The following SLC5A11 variants were observed in gnomAD, a reference collection of about 807,000 sequenced individuals.
SLC5A11 encodes the protein solute carrier family 5 member 11, also known as sodium/myo-inositol cotransporter 2.
Under a neutral mutation model 69.8 loss-of-function variants are expected in SLC5A11, and 48 were observed. That is an observed-to-expected ratio of 0.69 (90% CI 0.55 to 0.87). The LOEUF (loss-of-function observed/expected upper bound fraction) is 0.87. Among genes scored for constraint, SLC5A11 ranks in the 40% least tolerant of loss-of-function variants. The probability of loss-of-function intolerance (pLI) is 0.00; values close to 1 mark genes in which losing one functional copy is unlikely to be tolerated. For synonymous variants in SLC5A11, 319 were observed against 342.4 expected (o/e 0.93, Z 0.75); for missense variants, 784 against 866.1 (o/e 0.91, Z 1.19).
chr16:24,862,805 C>G, intron 3 of SLC5A11, 133 bp downstream of exon 4: 1 of 588,966 alleles, frequency 1.7e-6, no homozygotes, highest in South Asian at 5.7e-5. Flanking sequence ...CTAGAGAAGG[C>G]TTAGCTCCAG....
intron 1 of SLC5A11, among the ~76,000 whole-genome samples, chr16:24,858,260 G>A (rs1046657138): frequency 3.9e-5 from 6 of 152,208 alleles, no homozygotes; most frequent in Non-Finnish European, 8.8e-5. Flanking sequence ...CAGCTGTGAG[G>A]TACCACGGAA....
chr16:24,874,475 A>G (rs1410925221), intron 5 of SLC5A11, among the ~76,000 whole-genome samples: 1 of 152,188 alleles, frequency 6.6e-6, no homozygotes, highest in African/African-American at 2.4e-5. Flanking sequence ...CCTTTCCTGC[A>G]ATTCAGCGTA....
Position 24,884,513 on chromosome 16 carries a change from G to GTTTTTTTTTTTTTT in SLC5A11, c.664+387_664+400dup, listed in dbSNP as rs10572531. On this transcript the variant is annotated intron_variant, in intron 8 of 15. Transcript: ENST00000347898. ...GTCGAGCTAATTGCTTTTTTATTTT[G>GTTTTTTTTTTTTTT]TTTTTTTTTTTTTTTTTTGTAGAGA... Among the ~76,000 whole-genome samples the GTTTTTTTTTTTTTT allele has an allele frequency of 4.5e-5, 5 of 110,272 alleles. 1 individual carries two copies. The highest frequency in any genetic ancestry group is 1.6e-4 in the African/African-American group (5 of 30,588). 72.3% of individuals were successfully genotyped at this position (110,272 alleles called of 152,430 possible). A position where few individuals can be genotyped will look rare whatever the true frequency, so the allele number is the denominator to read the frequency against.
At chr16:24,856,746 G>C (rs2059553652) in intron 1 of SLC5A11, among the ~76,000 whole-genome samples, 2 of 150,616 alleles carry the variant, frequency 1.3e-5, no homozygotes, top group South Asian at 4.2e-4. Flanking sequence ...ACTCCAGCCT[G>C]GGAGACAGAG....
chr16:24,891,001 C>T, exon 9 of SLC5A11: 1 of 1,614,226 alleles, frequency 6.2e-7, no homozygotes, highest in Non-Finnish European at 8.5e-7. Context: ...GATCCGCTGA[C>T]ATCTGATCTC....
chr16:24,862,636 C>T, exon 3 of SLC5A11: 1 of 1,613,646 alleles, frequency 6.2e-7, no homozygotes, highest in Non-Finnish European at 8.5e-7. Context: ...CAGTGAAAGG[C>T]TACTTCCTGG....
chr16:24,862,666 G>T (rs1433245710), exon 3 of SLC5A11: 3 of 1,613,380 alleles, frequency 1.9e-6, no homozygotes. Context: ...ACATGGTGTG[G>T]TGGCCAGTAA....
intron 9 of SLC5A11, among the ~76,000 whole-genome samples, chr16:24,897,543 C>A (rs274088): frequency 0.2 from 30,295 of 152,132 alleles, 3,717 homozygotes; most frequent in South Asian, 0.42. Context: ...AGGCTACACA[C>A]CCCGTTTGCC....
intron 8 of SLC5A11, 27 bp downstream of exon 9, chr16:24,884,158 G>T: frequency 6.2e-7 from 1 of 1,602,540 alleles, no homozygotes; most frequent in South Asian, 1.1e-5. Context: ...GGTCACTGGG[G>T]CGGACAACAG....
intron 5 of SLC5A11, among the ~76,000 whole-genome samples, chr16:24,873,366 C>T (rs1182764216): frequency 6.6e-6 from 1 of 151,948 alleles, no homozygotes; most frequent in Non-Finnish European, 1.5e-5. Flanking sequence ...CACAGTGGCT[C>T]AGGGCCATAA....
chr16:24,866,832 T>G (rs2046950389), intron 3 of SLC5A11, among the ~76,000 whole-genome samples: 1 of 151,986 alleles, frequency 6.6e-6, no homozygotes, highest in African/African-American at 2.4e-5. Flanking sequence ...CAAGAAGACA[T>G]AACAATTATA....
chr16:24,878,679 C>CAAATA (rs1421186791), intron 7 of SLC5A11, among the ~76,000 whole-genome samples: 3 of 152,148 alleles, frequency 2.0e-5, no homozygotes, highest in African/African-American at 7.2e-5. Flanking sequence ...GTAAGCAAGA[C>CAAATA]AAATATCTCT....
intron 10 of SLC5A11, among the ~76,000 whole-genome samples, chr16:24,900,632 G>A (rs571596537): frequency 1.7e-4 from 26 of 152,182 alleles, no homozygotes; most frequent in Non-Finnish European, 7.3e-5. Flanking sequence ...ATAGCTTCAG[G>A]CCAGGTGCAG....
chr16:24,870,008 A>G lies in SLC5A11; in HGVS notation c.312+3A>G, dbSNP rs769167555. On this transcript the variant is annotated splice_donor_region_variant and intron_variant, in intron 4 of 15. Transcript: ENST00000347898. ...CTGTATCAGCTTATGAACTTAATGTAAGTATTTTACCTAGGGCATAGATGA... is the reference window on the plus strand; with the variant it reads ...CTGTATCAGCTTATGAACTTAATGTGAGTATTTTACCTAGGGCATAGATGA... 1.2e-6 allele frequency: 2 copies of G among 1,604,748 alleles called. No homozygotes were observed. Among genetic ancestry groups the G allele is most frequent in the South Asian group, 2.2e-5 (2 of 90,824 alleles).
chr16:24,902,331 A>G (rs972397270), intron 10 of SLC5A11, among the ~76,000 whole-genome samples: 2 of 150,880 alleles, frequency 1.3e-5, no homozygotes, highest in Non-Finnish European at 3.0e-5. Context: ...TTAAGGGGGA[A>G]AAAAAAAAGG....
chr16:24,893,611 C>T (rs1009410936), intron 9 of SLC5A11, among the ~76,000 whole-genome samples: 1 of 151,960 alleles, frequency 6.6e-6, no homozygotes, highest in Non-Finnish European at 1.5e-5. Context: ...CGCTCTGTTG[C>T]CCAGGCTGGA....
intron 4 of SLC5A11, among the ~76,000 whole-genome samples, 186 bp from the exon 6 acceptor site, chr16:24,871,974 T>C (rs945553593): frequency 1.3e-5 from 2 of 152,154 alleles, no homozygotes; most frequent in Non-Finnish European, 2.9e-5. Context: ...CTCCTCTTCC[T>C]TCCCGAATCC....
At position 24,862,765 on chromosome 16, in the gene SLC5A11, T is replaced by C. The variant is rs935914595; in HGVS notation, c.207+93T>C. 7.1e-6 allele frequency: 8 copies of C among 1,133,342 alleles called. No homozygotes were observed. The East Asian group carries it at 2.0e-4, about 28-fold the overall frequency. The allele number at this position is 1,133,342 out of a possible 1,614,324, so 70.2% of individuals were successfully genotyped here. Reference sequence around the variant, plus strand: ...CCTTTGATATCTCAGGACTCTCTGGTCTCATGTCGTTTGGAAGTCATTGTC... The same window carrying C: ...CCTTTGATATCTCAGGACTCTCTGGCCTCATGTCGTTTGGAAGTCATTGTC... On this transcript the variant is annotated intron_variant, in intron 3 of 15. Transcript: ENST00000347898.
intron 10 of SLC5A11, among the ~76,000 whole-genome samples, chr16:24,902,954 C>CT (rs1186364015): frequency 6.6e-6 from 1 of 152,276 alleles, no homozygotes; most frequent in African/African-American, 2.4e-5. Context: ...TTGAAATACT[C>CT]TATCATATGA....
Sources: allele counts gnomAD v4.1 joint callset (sites outside exome capture counted in the v4.1 genomes callset), GRCh38; gene constraint gnomAD v4.1.1; transcripts MANE v1.5; gene names NCBI Gene and HGNC (gene_info 2026-07-23, HGNC 2026-07-21).